The following NCKAP5 variants were observed in gnomAD, a reference collection of about 807,000 sequenced individuals.
NCKAP5 encodes the protein nck-associated protein 5.
In NCKAP5, 92 loss-of-function variants were observed where a neutral mutation model predicts 167.0. The ratio of observed to expected loss-of-function variants is 0.55; its 90% CI spans 0.47 to 0.66. The LOEUF is 0.66. Ranked by LOEUF, NCKAP5 falls within the 30% of genes least tolerant of loss-of-function variation. NCKAP5 has a pLI of 0.00. For synonymous variants in NCKAP5, 891 were observed against 877.4 expected, an observed-to-expected ratio of 1.02 and a Z score of -0.27; for missense variants, 2,378 against 2,315.0, an observed-to-expected ratio of 1.03 and a Z score of -0.56.
intron 6 of NCKAP5, among the ~76,000 whole-genome samples, chr2:133,093,870 GATGGTT>G (rs1390191945): frequency 6.6e-6 from 1 of 152,220 alleles, no homozygotes; most frequent in Non-Finnish European, 1.5e-5. Context: ...AACCAGTGAG[GATGGTT>G]ATGCCTCACT....
At chr2:132,823,464 G>A (rs1268139330) in intron 11 of NCKAP5, among the ~76,000 whole-genome samples, 2 of 152,128 alleles carry the variant, frequency 1.3e-5, no homozygotes, top group Non-Finnish European at 2.9e-5. Context: ...CTTCATAAAT[G>A]AAGGAGAGAT....
At chr2:133,594,287 T>C in the NCKAP5 span, among the ~76,000 whole-genome samples, 1 of 152,178 alleles carries the variant, frequency 6.6e-6, no homozygotes, top group Non-Finnish European at 1.5e-5. Context: ...GGAAACCTAA[T>C]GAGAAAATCT....
At chr2:133,432,715 A>C (rs1052551402) in intron 3 of NCKAP5, among the ~76,000 whole-genome samples, 1 of 152,214 alleles carries the variant, frequency 6.6e-6, no homozygotes, top group South Asian at 2.1e-4. Context: ...GATTTTGCTC[A>C]TCAATATAGT....
rs76662716 is a variant in NCKAP5, at chr2:133,073,799, A to G, written c.341+56179T>C. Among the ~76,000 whole-genome samples, 913 of 152,316 alleles carry G rather than the reference A, an allele frequency of 6.0e-3. 4 individuals carry two copies. Among genetic ancestry groups the G allele is most frequent in the South Asian group, 0.021 (102 of 4,826 alleles). On this transcript the variant is annotated intron_variant, in intron 6 of 19. Transcript: ENST00000409261. ...TCATTCTTAATTAAAACAGAGTCAA[A>G]AAACCAGAAGGGAAAAAAGCACCCA...
intron 6 of NCKAP5, among the ~76,000 whole-genome samples, chr2:133,077,070 T>G (rs913147223): frequency 6.6e-6 from 1 of 152,190 alleles, no homozygotes; most frequent in African/African-American, 2.4e-5. Context: ...TTTTGGATAT[T>G]CTTATTTTAG....
At chr2:133,352,990 C>T (rs1684471093) in intron 3 of NCKAP5, among the ~76,000 whole-genome samples, 1 of 152,200 alleles carries the variant, frequency 6.6e-6, no homozygotes, top group African/African-American at 2.4e-5. Context: ...GCCAAACATG[C>T]AAGCTTGTCT....
chr2:133,112,807 C>G (rs925496892), intron 6 of NCKAP5, among the ~76,000 whole-genome samples: 1 of 152,192 alleles, frequency 6.6e-6, no homozygotes, highest in Non-Finnish European at 1.5e-5. Flanking sequence ...CTACAAATAT[C>G]CAAATGCCAC....
rs776642127 is a variant in NCKAP5, at chr2:133,213,673, C to T, written c.207+43G>A. ...GGCAAAGTAGCTTTCAAGCCAGAGA[C>T]CTCTGGATGTTGTGGAATGAGGGGA... is the stretch of plus-strand genomic sequence containing the variant. On this transcript the variant is annotated intron_variant, in intron 5 of 19. Coordinates refer to ENST00000409261, the MANE Select transcript of NCKAP5 (RefSeq NM_207363.3). 6 of 1,592,094 alleles carry T rather than the reference C, an allele frequency of 3.8e-6. No homozygotes were observed. The South Asian group carries it at 5.6e-5, about 15-fold the overall frequency.
intron 5 of NCKAP5, among the ~76,000 whole-genome samples, chr2:133,198,160 A>C (rs1205296402): frequency 6.6e-6 from 1 of 152,196 alleles, no homozygotes; most frequent in Non-Finnish European, 1.5e-5. Flanking sequence ...AAAAGAGAAC[A>C]AAAATGAAGG....
chr2:133,598,495 A>AT, the NCKAP5 span, among the ~76,000 whole-genome samples: 1 of 152,210 alleles, frequency 6.6e-6, no homozygotes, highest in African/African-American at 2.4e-5. Context: ...AAAAACTCAC[A>AT]GCTTGACCTT....
chr2:133,277,068 C>T (rs1234469304), intron 4 of NCKAP5, among the ~76,000 whole-genome samples: 2 of 152,110 alleles, frequency 1.3e-5, no homozygotes, highest in African/African-American at 4.8e-5. Context: ...TATGCTTAGT[C>T]CTAACATCAG....
intron 6 of NCKAP5, among the ~76,000 whole-genome samples, chr2:133,125,046 CAAT>C (rs989363481): frequency 1.3e-5 from 2 of 150,688 alleles, no homozygotes; most frequent in Admixed American, 6.6e-5. Flanking sequence ...GACCCTGTCT[CAAT>C]AATAATAATC....
chr2:133,620,916 A>C, the NCKAP5 span, among the ~76,000 whole-genome samples: 2 of 152,170 alleles, frequency 1.3e-5, 1 homozygote, highest in South Asian at 4.1e-4. Flanking sequence ...AATTGTATCA[A>C]GTACTCTCTC....
chr2:133,211,145 G>C (rs1435799328), intron 5 of NCKAP5, among the ~76,000 whole-genome samples: 1 of 151,836 alleles, frequency 6.6e-6, no homozygotes. Context: ...CCCTCCCCCA[G>C]ACATCCCCAT....
At chr2:133,294,166 AT>A (rs1342270410) in intron 4 of NCKAP5, among the ~76,000 whole-genome samples, 5 of 152,210 alleles carry the variant, frequency 3.3e-5, no homozygotes, top group Admixed American at 1.3e-4. Context: ...TAAAAAACAA[AT>A]CATAGTTCTT....
chr2:133,463,626 A>G (rs1041246223), intron 3 of NCKAP5, among the ~76,000 whole-genome samples: 3 of 152,256 alleles, frequency 2.0e-5, no homozygotes, highest in African/African-American at 7.2e-5. Context: ...TGAGAAGCCC[A>G]AAGCCCTGAG....
intron 3 of NCKAP5, among the ~76,000 whole-genome samples, chr2:133,380,674 T>C (rs1266780801): frequency 6.6e-6 from 1 of 152,214 alleles, no homozygotes. Flanking sequence ...TGCTATTCTA[T>C]CTGTGCTGCC....
intron 6 of NCKAP5, among the ~76,000 whole-genome samples, chr2:133,097,752 A>G (rs1442167851): frequency 1.3e-5 from 2 of 152,158 alleles, no homozygotes; most frequent in African/African-American, 4.8e-5. Context: ...GCAAAATATG[A>G]ACCCACCTTG....
chr2:133,594,098 G>A, the NCKAP5 span, among the ~76,000 whole-genome samples: 6 of 152,322 alleles, frequency 3.9e-5, no homozygotes, highest in African/African-American at 1.2e-4. Context: ...CTTCAGCGTG[G>A]TGGGACCATC....
Sources: allele counts gnomAD v4.1 joint callset (sites outside exome capture counted in the v4.1 genomes callset), GRCh38; gene constraint gnomAD v4.1.1; transcripts MANE v1.5; gene names NCBI Gene and HGNC (gene_info 2026-07-23, HGNC 2026-07-21).